METTL22: variants seen among roughly 807,000 people sequenced by gnomAD.
METTL22 encodes the protein methyltransferase 22, Kin17 lysine, also known as methyltransferase-like protein 22.
In METTL22, 51 loss-of-function variants were observed where a neutral mutation model predicts 48.4. That is an observed-to-expected ratio of 1.05 (90% CI 0.84 to 1.33). The LOEUF is 1.33. Ranked by LOEUF, METTL22 falls within the 40% of genes most tolerant of loss-of-function variation. The probability of loss-of-function intolerance (pLI) is 0.00; values close to 1 mark genes in which losing one functional copy is unlikely to be tolerated. For synonymous variants in METTL22, 255 were observed against 214.1 expected, an observed-to-expected ratio of 1.19 and a Z score of -1.67; for missense variants, 678 against 526.9, an observed-to-expected ratio of 1.29 and a Z score of -2.81.
At chr16:8,623,017 C>T (rs940788343) in intron 1 of METTL22, among the ~76,000 whole-genome samples, 1 of 152,074 alleles carries the variant, frequency 6.6e-6, no homozygotes, top group African/African-American at 2.4e-5. Flanking sequence ...AGTTTTCCAA[C>T]AAAATTGCGC....
the METTL22 span, among the ~76,000 whole-genome samples, chr16:8,662,202 A>T: frequency 6.9e-6 from 1 of 145,666 alleles, no homozygotes; most frequent in East Asian, 2.0e-4. Context: ...TGACTGCACC[A>T]CTGCACTCCC....
intron 3 of METTL22, chr16:8,631,346 T>G (rs544619621): frequency 3.3e-5 from 5 of 152,080 alleles, no homozygotes; most frequent in Non-Finnish European, 5.9e-5. Context: ...ACTGTAGAAA[T>G]AAAGTGAGAC....
intron 6 of METTL22, chr16:8,639,409 C>G (rs1641051): frequency 1.8e-6 from 1 of 562,540 alleles, no homozygotes; most frequent in Non-Finnish European, 3.2e-6. Flanking sequence ...CGGACACTGG[C>G]GGCGGCCCCT....
chr16:8,652,391 C>G (rs1641089), downstream of METTL22, among the ~76,000 whole-genome samples: 148,452 of 150,310 alleles, frequency 0.99, 73,340 homozygotes, highest in Middle Eastern at 1. Context: ...CCGAGCAGGT[C>G]GAGGTTGCAA....
rs1227956471 is a variant in METTL22, at chr16:8,648,093, GC to G, written c.*1951del. The G allele has an allele frequency of 6.6e-6, 1 of 152,294 alleles. No homozygotes were observed. The highest frequency in any genetic ancestry group is 1.5e-5 in the Non-Finnish European group (1 of 68,106). 9.4% of individuals were successfully genotyped at this position (152,294 alleles called of 1,614,324 possible). ...AATCCCGATACTTTGGGAGGCCAAGGCAGGAGGATCAATTAAGGCCAGGAGT... is the reference window on the plus strand; with the variant it reads ...AATCCCGATACTTTGGGAGGCCAAGGAGGAGGATCAATTAAGGCCAGGAGT... On this transcript the variant is annotated 3_prime_UTR_variant, in exon 11 of 11. Transcript: ENST00000381920.
chr16:8,658,539 C>T, the METTL22 span, among the ~76,000 whole-genome samples: 60 of 152,274 alleles, frequency 3.9e-4, no homozygotes, highest in African/African-American at 1.3e-3. Context: ...GGTTGCTCCT[C>T]GGCTCCAGAA....
Position 8,642,632 on chromosome 16 carries a change from G to A in METTL22, c.1010+67G>A, listed in dbSNP as rs1026557747. 7 of 1,444,776 alleles carry A rather than the reference G, an allele frequency of 4.8e-6. No homozygotes were observed. The Admixed American group carries it at 6.7e-5, about 14-fold the overall frequency. The allele number at this position is 1,444,776 out of a possible 1,614,324, so 89.5% of individuals were successfully genotyped here. A position where few individuals can be genotyped will look rare whatever the true frequency, so the allele number is the denominator to read the frequency against. ...TCAGCGGAACTCTCACCTCCTAATT[G>A]TGTCCTTGTCAGTGTCATTATGATT... On this transcript the variant is annotated intron_variant, in intron 9 of 10. Coordinates refer to ENST00000381920, the MANE Select transcript of METTL22 (RefSeq NM_024109.4).
the METTL22 span, among the ~76,000 whole-genome samples, chr16:8,658,173 C>A: frequency 6.6e-6 from 1 of 152,130 alleles, no homozygotes; most frequent in African/African-American, 2.4e-5. Context: ...GTGAAGATGG[C>A]CTATGAAGGC....
intron 2 of METTL22, among the ~76,000 whole-genome samples, chr16:8,626,568 C>T (rs2056061696): frequency 6.6e-6 from 1 of 150,934 alleles, no homozygotes; most frequent in African/African-American, 2.4e-5. Context: ...CCTGCCTCAG[C>T]CTCCCGAGTA....
the METTL22 span, among the ~76,000 whole-genome samples, chr16:8,664,472 G>T: frequency 6.7e-6 from 1 of 149,752 alleles, no homozygotes; most frequent in Admixed American, 6.6e-5. Flanking sequence ...TTTTTTTTTT[G>T]AGATGGGGTC....
chr16:8,650,019 T>C (rs1162077075), downstream of METTL22, among the ~76,000 whole-genome samples: 1 of 152,062 alleles, frequency 6.6e-6, no homozygotes, highest in East Asian at 1.9e-4. Flanking sequence ...CAACATGTCA[T>C]CCCTGGTTAA....
chr16:8,623,007 A>C (rs1323024675), intron 1 of METTL22, among the ~76,000 whole-genome samples: 1 of 152,148 alleles, frequency 6.6e-6, no homozygotes, highest in Non-Finnish European at 1.5e-5. Flanking sequence ...CTGGGATGTA[A>C]GTTTTCCAAC....
rs969073933 is a variant in METTL22, at chr16:8,647,919, G to A, written c.*1776G>A. On this transcript the variant is annotated 3_prime_UTR_variant, in exon 11 of 11. Transcript: ENST00000381920. ...CACACAGCAACCAAGGGCAGAGTCA[G>A]GTTTAGAGCCCATGTCCACCCATGT... is the stretch of plus-strand genomic sequence containing the variant. 1.3e-5 allele frequency: 2 copies of A among 152,264 alleles called. No homozygotes were observed. The highest frequency in any genetic ancestry group is 1.9e-4 in the East Asian group (1 of 5,204). The allele number at this position is 152,264 out of a possible 1,614,324, so 9.4% of individuals were successfully genotyped here. A position where few individuals can be genotyped will look rare whatever the true frequency, so the allele number is the denominator to read the frequency against.
chr16:8,629,160 T>C (rs772910042), intron 3 of METTL22, 50 bp downstream of exon 3: 11 of 1,577,882 alleles, frequency 7.0e-6, no homozygotes, highest in Non-Finnish European at 7.7e-6. Context: ...AACTCCGCAG[T>C]GTCACTGCTC....
chr16:8,635,722 C>T (rs1182550648), intron 5 of METTL22, among the ~76,000 whole-genome samples: 1 of 152,172 alleles, frequency 6.6e-6, no homozygotes, highest in Non-Finnish European at 1.5e-5. Flanking sequence ...TAAAACAGTA[C>T]ATAAAAATTA....
At chr16:8,658,524 A>C in the METTL22 span, among the ~76,000 whole-genome samples, 1 of 152,192 alleles carries the variant, frequency 6.6e-6, no homozygotes, top group African/African-American at 2.4e-5. Flanking sequence ...TCTTGGCTGA[A>C]GCCCGGTTGC....
chr16:8,663,350 G>A, the METTL22 span, among the ~76,000 whole-genome samples: 1 of 152,060 alleles, frequency 6.6e-6, no homozygotes, highest in Non-Finnish European at 1.5e-5. Context: ...AGTTAATGAT[G>A]GTAAAACAGT....
intron 1 of METTL22, among the ~76,000 whole-genome samples, chr16:8,622,668 G>T (rs367995585): frequency 1.3e-4 from 20 of 152,026 alleles, no homozygotes; most frequent in African/African-American, 4.4e-4. Context: ...TACTATTGTT[G>T]CTTATTGAAC....
At chr16:8,645,947 A>T in intron 10 of METTL22, 161 bp from the exon 11 acceptor site, 1 of 1,263,118 alleles carries the variant, frequency 7.9e-7, no homozygotes. Flanking sequence ...CAGAGCAACA[A>T]AGAAAGGAGG....
Sources: allele counts gnomAD v4.1 joint callset (sites outside exome capture counted in the v4.1 genomes callset), GRCh38; gene constraint gnomAD v4.1.1; transcripts MANE v1.5; gene names NCBI Gene and HGNC (gene_info 2026-07-23, HGNC 2026-07-21).